Variants in DNAH1 observed in about 807,000 individuals in gnomAD.
The protein encoded by DNAH1 is dynein axonemal heavy chain 1.
Under a neutral mutation model 484.3 loss-of-function variants are expected in DNAH1, and 327 were observed. The ratio of observed to expected loss-of-function variants is 0.68; its 90% CI spans 0.62 to 0.74. DNAH1 has a LOEUF of 0.74. DNAH1 is among the 30% of genes least tolerant of loss of function. The probability of loss-of-function intolerance (pLI) is 0.00; values close to 1 mark genes in which losing one functional copy is unlikely to be tolerated. For synonymous variants in DNAH1, 2,192 were observed against 2,191.9 expected (o/e 1.00, Z 0.00); for missense variants, 5,052 against 5,546.8 (o/e 0.91, Z 2.83).
rs1251400818 is a variant in DNAH1, at chr3:52,323,825, C to T, written c.351C>T (p.Pro117=). ...LDQLGEVCRG[P]RMSQNLLRQA... ...GGTTTCAGGAGGTATGTCGTGGCCCCCGAATGAGCCAGAACCTCCTGCGGC... is the reference window on the plus strand; with the variant it reads ...GGTTTCAGGAGGTATGTCGTGGCCCTCGAATGAGCCAGAACCTCCTGCGGC... Residue 117 remains proline, a synonymous_variant, in exon 3 of 78, where the codon CCC becomes CCT. Coordinates refer to ENST00000420323, the MANE Select transcript of DNAH1 (RefSeq NM_015512.5). The T allele has an allele frequency of 1.3e-6, 2 of 1,590,544 alleles. No homozygotes were observed. Among genetic ancestry groups the T allele is most frequent in the East Asian group, 4.6e-5 (2 of 43,598 alleles).
At position 52,391,356 on chromosome 3, in the gene DNAH1, G is replaced by A. The variant is rs1033909789; in HGVS notation, c.9891+28G>A. On this transcript the variant is annotated intron_variant, in intron 62 of 77. Coordinates refer to ENST00000420323, the MANE Select transcript of DNAH1 (RefSeq NM_015512.5). ...GGGTCTGCAGTGGTGATGGCAGGGT[G>A]GCAGTAGGCCTGGACAGGGCAGTCC... The A allele has an allele frequency of 3.8e-6, 6 of 1,598,580 alleles. No homozygotes were observed. The African/African-American group carries it at 8.1e-5, about 21-fold the overall frequency.
In DNAH1 at chr3:52,399,140, C is replaced by G. The variant is rs548795920; in HGVS notation, c.12380C>G (p.Thr4127Ser). 1.5e-4 allele frequency: 244 copies of G among 1,613,946 alleles called. 3 individuals are homozygous for G. The South Asian group carries it at 2.6e-3, about 17-fold the overall frequency. The change falls in exon 76 of 78, where the codon ACT (threonine) becomes AGT (serine). Residue 4127 changes from threonine (T) to serine (S), a missense_variant. Coordinates refer to ENST00000420323, the MANE Select transcript of DNAH1 (RefSeq NM_015512.5). ...FFFPQAFLTG[T>S]LQNFARKFVI... ...TTCCCCCAGGCTTTCTTAACAGGCA[C>G]TCTGCAGAATTTTGCCCGCAAATTT... is the stretch of plus-strand genomic sequence containing the variant.
chr3:52,358,809 C>G lies in DNAH1; in HGVS notation c.4266+72C>G. ...GCTCCCTCTCAGTGCCCCTCCTGCTCTAGCCGGCCTCGTCCTCAGGCTGCA... is the reference window on the plus strand; with the variant it reads ...GCTCCCTCTCAGTGCCCCTCCTGCTGTAGCCGGCCTCGTCCTCAGGCTGCA... On this transcript the variant is annotated intron_variant, in intron 25 of 77. Coordinates refer to ENST00000420323, the MANE Select transcript of DNAH1 (RefSeq NM_015512.5). This position sits in a 1 kb window ranked among gnomAD's most constrained non-coding sequence, Gnocchi z 4.2. The G allele has an allele frequency of 6.4e-7, 1 of 1,569,572 alleles. No homozygotes were observed. Among genetic ancestry groups the G allele is most frequent in the Non-Finnish European group, 8.6e-7 (1 of 1,157,024 alleles).
chr3:52,329,637 A>G (rs1387566873), intron 6 of DNAH1, among the ~76,000 whole-genome samples: 2 of 152,122 alleles, frequency 1.3e-5, no homozygotes, highest in Non-Finnish European at 2.9e-5. Context: ...ACCAGCCTGA[A>G]CAACAGATGA....
intron 67 of DNAH1, 65 bp downstream of exon 67, chr3:52,394,726 T>G: frequency 1.3e-6 from 2 of 1,517,900 alleles, no homozygotes. Context: ...AGGAAAGGCT[T>G]GTCTGGGCGC....
At position 52,371,926 on chromosome 3, in the gene DNAH1, T is replaced by C; in HGVS notation, c.6526-20T>C. On this transcript the variant is annotated intron_variant, in intron 41 of 77. Transcript: ENST00000420323. Reference sequence around the variant, plus strand: ...CAGGGAGGGGTTCCAGGCCCACTGCTGAGCCACCTATGATTCCAGGTTGCC... The same window carrying C: ...CAGGGAGGGGTTCCAGGCCCACTGCCGAGCCACCTATGATTCCAGGTTGCC... 1.2e-6 allele frequency: 2 copies of C among 1,611,794 alleles called. No individual in the cohort carries two copies. Among genetic ancestry groups the C allele is most frequent in the Middle Eastern group, 1.7e-4 (1 of 6,060 alleles).
chr3:52,395,539 C>G lies in DNAH1; in HGVS notation c.11128-8C>G. 6.2e-7 allele frequency: 1 copy of G among 1,613,456 alleles called. No individual in the cohort carries two copies. The highest frequency in any genetic ancestry group is 1.1e-5 in the South Asian group (1 of 91,088). Reference sequence around the variant, plus strand: ...CTGGCCCCCTGCTCAGTGCTCTTGCCCCTGCAGGGCCCTCGGGCAGAAGCC... The same window carrying G: ...CTGGCCCCCTGCTCAGTGCTCTTGCGCCTGCAGGGCCCTCGGGCAGAAGCC... On this transcript the variant is annotated splice_region_variant and splice_polypyrimidine_tract_variant and intron_variant, in intron 69 of 77. Transcript: ENST00000420323. The surrounding 1 kb of genome is among the most constrained non-coding windows in gnomAD (Gnocchi z 4.4).
chr3:52,327,791 A>T (rs1368893447), intron 5 of DNAH1, 91 bp from the exon 6 acceptor site: 3 of 1,488,570 alleles, frequency 2.0e-6, no homozygotes, highest in Non-Finnish European at 1.8e-6. Context: ...GGAGGGTATT[A>T]CTTAGGCACC....
In DNAH1 at chr3:52,375,282, T is replaced by C. The variant is rs774627790; in HGVS notation, c.7028T>C (p.Met2343Thr). ...NLVDINFVCA[M>T]GPPGGGRNTV... ...GTGGACATCAACTTTGTCTGTGCCA[T>C]GGGCCCCCCGGGTGGAGGCAGGAAC... Residue 2343 changes from methionine to threonine, a missense_variant, in exon 45 of 78, where the codon ATG (methionine) becomes ACG (threonine). This residue lies in a region of DNAH1 where 2,929 missense variants were observed against 3,409.4 expected (regional missense o/e 0.86). Transcript: ENST00000420323. 4.3e-6 allele frequency: 7 copies of C among 1,611,396 alleles called. No individual in the cohort carries two copies. The highest frequency in any genetic ancestry group is 4.0e-5 in the African/African-American group (3 of 74,896).
In DNAH1 at chr3:52,371,991, G is replaced by C. The variant is rs1310451419; in HGVS notation, c.6571G>C (p.Val2191Leu). 1.9e-6 allele frequency: 3 copies of C among 1,613,694 alleles called. No individual in the cohort carries two copies. Among genetic ancestry groups the C allele is most frequent in the Non-Finnish European group, 2.5e-6 (3 of 1,179,872 alleles). The change falls in exon 42 of 78, where the codon GTA (valine) becomes CTA (leucine). Residue 2191 changes from valine to leucine, a missense_variant. Transcript: ENST00000420323. ...WMDSSAPFTMVPDTNYCNIIV... is the reference protein window; with the variant it reads ...WMDSSAPFTMLPDTNYCNIIV... ...GGACTCCTCAGCTCCATTCACCATG[G>C]TACCAGACACCAACTACTGCAACAT...
Position 52,370,814 on chromosome 3 carries a change from G to A in DNAH1, c.6514G>A (p.Glu2172Lys), listed in dbSNP as rs752298977. 5.6e-6 allele frequency: 9 copies of A among 1,601,242 alleles called. No individual in the cohort carries two copies. The highest frequency in any genetic ancestry group is 2.7e-5 in the African/African-American group (2 of 74,704). ...CAACGACAGTGAGGATGAAGAGGAG[G>A]AATACAAGCAGGTGGCCGCAGGCCC... ...GTNDSEDEEE[E>K]YKQVAWVKWM... The change falls in exon 41 of 78, where the codon GAA (glutamate) becomes AAA (lysine). Residue 2172 changes from glutamate (E) to lysine (K), a missense_variant. Physicochemically the swap from Glu to Lys is moderately conservative, Grantham distance 56 (BLOSUM62 1). Coordinates refer to ENST00000420323, the MANE Select transcript of DNAH1 (RefSeq NM_015512.5).
In DNAH1 at chr3:52,399,182, C is replaced by T; in HGVS notation, c.12422C>T (p.Thr4141Ile). The T allele has an allele frequency of 6.2e-7, 1 of 1,610,300 alleles. No homozygotes were observed. The highest frequency in any genetic ancestry group is 1.1e-5 in the South Asian group (1 of 90,632). ...CGCAAATTTGTCATCTCCATTGACA[C>T]CATCTCCTTTGATTTCAAGGTCTGG... is the stretch of plus-strand genomic sequence containing the variant. Reference protein sequence around the residue: ...FARKFVISIDTISFDFKVMFE... With the variant: ...FARKFVISIDIISFDFKVMFE... Residue 4141 changes from threonine (T) to isoleucine (I), a missense_variant, in exon 76 of 78, where the codon ACC becomes ATC. Coordinates refer to ENST00000420323, the MANE Select transcript of DNAH1 (RefSeq NM_015512.5).
Position 52,352,123 on chromosome 3 carries a change from T to C in DNAH1, c.2871+20T>C, listed in dbSNP as rs1443442544. On this transcript the variant is annotated intron_variant, in intron 17 of 77. Coordinates refer to ENST00000420323, the MANE Select transcript of DNAH1 (RefSeq NM_015512.5). ...CTGCAGGTGGGGCACAGCTGCAGGC[T>C]TGGTGCTGGACACAGCCCCCACCAC... 1.3e-6 allele frequency: 2 copies of C among 1,563,706 alleles called. No individual in the cohort carries two copies. The highest frequency in any genetic ancestry group is 1.7e-6 in the Non-Finnish European group (2 of 1,155,070).
intron 54 of DNAH1, among the ~76,000 whole-genome samples, chr3:52,385,902 A>G (rs1325538817): frequency 6.6e-6 from 1 of 152,240 alleles, no homozygotes; most frequent in Non-Finnish European, 1.5e-5. Context: ...TCTGTCTTGC[A>G]TGAAGGTGCC....
Position 52,364,969 on chromosome 3 carries a change from A to T in DNAH1, c.5468A>T (p.Asp1823Val). 1.2e-6 allele frequency: 2 copies of T among 1,613,844 alleles called. No individual in the cohort carries two copies. Among genetic ancestry groups the T allele is most frequent in the Non-Finnish European group, 1.7e-6 (2 of 1,179,804 alleles). The change falls in exon 34 of 78, where the codon GAT becomes GTT. Residue 1823 changes from aspartate to valine, a missense_variant. Physicochemically the swap from Asp to Val is radical, Grantham distance 152 (BLOSUM62 -3). Coordinates refer to ENST00000420323, the MANE Select transcript of DNAH1 (RefSeq NM_015512.5). The surrounding 1 kb of genome is among the most constrained non-coding windows in gnomAD (Gnocchi z 4.2). ...KEEDTDYGIL[D>V]EAIREACRNS... Reference sequence around the variant, plus strand: ...GAGGACACGGACTACGGCATCCTGGATGAGGCCATCCGCGAGGCCTGCAGG... The same window carrying T: ...GAGGACACGGACTACGGCATCCTGGTTGAGGCCATCCGCGAGGCCTGCAGG...
At chr3:52,339,439 T>TCA (rs1701851084) in intron 8 of DNAH1, among the ~76,000 whole-genome samples, 2 of 152,192 alleles carry the variant, frequency 1.3e-5, no homozygotes, top group Non-Finnish European at 2.9e-5. Context: ...TACCGACATT[T>TCA]GTCCATTTAT....
Position 52,396,471 on chromosome 3 carries a change from G to A in DNAH1, c.11363G>A (p.Gly3788Asp), listed in dbSNP as rs1053359269. 3.7e-6 allele frequency: 6 copies of A among 1,604,098 alleles called. No individual in the cohort carries two copies. Among genetic ancestry groups the A allele is most frequent in the Non-Finnish European group, 4.3e-6 (5 of 1,175,470 alleles). The stretch of plus-strand genomic sequence containing the variant: ...AAGATGACCATTGAGCCGCCACGCG[G>A]TGTCAGGGCCAACCTGCTGAAGTCC... The part of the protein sequence containing the change: ...GSKMTIEPPR[G>D]VRANLLKSYS... Residue 3788 changes from glycine (G) to aspartate (D), a missense_variant, in exon 71 of 78, where the codon GGT becomes GAT. Around this residue, in one of 4 missense-constraint regions of DNAH1, gnomAD observed 853 missense variants for 899.0 expected, o/e 0.95. Transcript: ENST00000420323.
In DNAH1 at chr3:52,388,581, G is replaced by A. The variant is rs1192875862; in HGVS notation, c.9335G>A (p.Cys3112Tyr). 1 of 1,612,418 alleles carries A rather than the reference G, an allele frequency of 6.2e-7. No individual in the cohort carries two copies. The highest frequency in any genetic ancestry group is 1.3e-5 in the African/African-American group (1 of 74,928). ...GAGCTGGAGCTGAAGTGTGAGCAGTGTGAGCAGCGGCTGGGCCGAGCTGGC... is the reference window on the plus strand; with the variant it reads ...GAGCTGGAGCTGAAGTGTGAGCAGTATGAGCAGCGGCTGGGCCGAGCTGGC... ...KEELELKCEQ[C>Y]EQRLGRAGKL... Residue 3112 changes from cysteine (C) to tyrosine (Y), a missense_variant, in exon 58 of 78, where the codon TGT (cysteine) becomes TAT (tyrosine). Around this residue, in one of 4 missense-constraint regions of DNAH1, gnomAD observed 2,929 missense variants for 3,409.4 expected, o/e 0.86. Transcript: ENST00000420323.
rs200888590 is a variant in DNAH1 at position 52,370,772 on chromosome 3, G to A, written c.6472G>A (p.Ala2158Thr). ...GLVFDYRLED[A>T]GISGTNDSED... The stretch of plus-strand genomic sequence containing the variant: ...GGTGTTCGATTACAGGCTGGAGGAC[G>A]CGGGCATCAGTGGCACCAACGACAG... The change falls in exon 41 of 78, where the codon GCG becomes ACG. Residue 2158 changes from alanine (A) to threonine (T), a missense_variant. Around this residue, in one of 4 missense-constraint regions of DNAH1, gnomAD observed 2,929 missense variants for 3,409.4 expected, o/e 0.86. Transcript: ENST00000420323. 1.1e-4 allele frequency: 178 copies of A among 1,607,758 alleles called. No individual in the cohort carries two copies. The highest frequency in any genetic ancestry group is 1.4e-4 in the Non-Finnish European group (170 of 1,177,560).
Sources: allele counts gnomAD v4.1 joint callset (sites outside exome capture counted in the v4.1 genomes callset), GRCh38; gene constraint gnomAD v4.1.1; regional missense constraint gnomAD v4.1.1; non-coding constraint Gnocchi (gnomAD v3.1); transcripts MANE v1.5; gene names NCBI Gene and HGNC (gene_info 2026-07-23, HGNC 2026-07-21).